NXPH1: variants seen among roughly 807,000 people sequenced by gnomAD.
NXPH1 encodes the protein neurexophilin 1, also known as neurexophilin-1.
A neutral mutation model predicts 23.7 loss-of-function variants in NXPH1; 5 were observed. The observed-to-expected ratio is 0.21, with a 90% CI of 0.11 to 0.44. The LOEUF (loss-of-function observed/expected upper bound fraction) is 0.44, where lower values mean the gene tolerates loss of function less well. NXPH1 is among the 20% of genes least tolerant of loss of function. The probability of loss-of-function intolerance (pLI) is 0.99; values close to 1 mark genes in which losing one functional copy is unlikely to be tolerated. For missense variants in NXPH1, 324 were observed against 321.6 expected (o/e 1.01, Z -0.06); for synonymous variants, 144 against 122.2 (o/e 1.18, Z -1.18).
At chr7:8,746,483 C>T (rs1482457351) in intron 2 of NXPH1, among the ~76,000 whole-genome samples, 2 of 152,128 alleles carry the variant, frequency 1.3e-5, no homozygotes, top group Non-Finnish European at 2.9e-5. Flanking sequence ...TGTTTAATAA[C>T]AAAGGATGAG....
intron 2 of NXPH1, among the ~76,000 whole-genome samples, chr7:8,723,438 A>C (rs1000057748): frequency 2.6e-5 from 4 of 152,220 alleles, no homozygotes; most frequent in African/African-American, 9.7e-5. Flanking sequence ...AATGTTTGTC[A>C]AGCCCCCCAA....
intron 2 of NXPH1, among the ~76,000 whole-genome samples, chr7:8,554,614 A>G (rs1169283608): frequency 1.3e-5 from 2 of 151,722 alleles, no homozygotes; most frequent in East Asian, 2.0e-4. Context: ...AGGAAAAGCA[A>G]AAGAGTATTT....
At chr7:8,579,262 A>G (rs1818817394) in intron 2 of NXPH1, among the ~76,000 whole-genome samples, 1 of 152,212 alleles carries the variant, frequency 6.6e-6, no homozygotes. Flanking sequence ...AAACAGATTC[A>G]GTGATGGCAA....
chr7:8,662,187 T>TACACACAC (rs1423090743), intron 2 of NXPH1, among the ~76,000 whole-genome samples: 324 of 150,710 alleles, frequency 2.1e-3, no homozygotes, highest in Middle Eastern at 6.9e-3. Context: ...TATATATATA[T>TACACACAC]ATACACACAT....
At chr7:8,733,586 G>A (rs902640483) in intron 2 of NXPH1, among the ~76,000 whole-genome samples, 1 of 152,102 alleles carries the variant, frequency 6.6e-6, no homozygotes, top group Non-Finnish European at 1.5e-5. Flanking sequence ...ACTGGCGTGA[G>A]ATAGTATCTC....
At chr7:8,579,249 A>G (rs1818817024) in intron 2 of NXPH1, among the ~76,000 whole-genome samples, 1 of 152,212 alleles carries the variant, frequency 6.6e-6, no homozygotes, top group African/African-American at 2.4e-5. Context: ...AAAGAGAGGA[A>G]TAAAACAGAT....
intron 2 of NXPH1, among the ~76,000 whole-genome samples, chr7:8,528,597 G>C (rs1283399110): frequency 1.3e-5 from 2 of 152,118 alleles, no homozygotes; most frequent in African/African-American, 2.4e-5. Context: ...GTTCCTTTTT[G>C]CAGTGGTCTC....
intron 2 of NXPH1, among the ~76,000 whole-genome samples, chr7:8,676,431 A>G (rs1820954396): frequency 6.6e-6 from 1 of 152,028 alleles, no homozygotes; most frequent in Admixed American, 6.6e-5. Context: ...CATCTATGCA[A>G]TCGTGATTTT....
chr7:8,517,044 C>T (rs1385744112), intron 2 of NXPH1, among the ~76,000 whole-genome samples: 2 of 152,012 alleles, frequency 1.3e-5, no homozygotes, highest in East Asian at 1.9e-4. Flanking sequence ...TGGATTGATC[C>T]AATCCACAAA....
intron 2 of NXPH1, among the ~76,000 whole-genome samples, chr7:8,691,890 TCA>T (rs1289087668): frequency 1.3e-5 from 2 of 152,062 alleles, no homozygotes; most frequent in African/African-American, 4.8e-5. Flanking sequence ...TGTTATGGAG[TCA>T]CAGAGTTGCT....
intron 2 of NXPH1, among the ~76,000 whole-genome samples, chr7:8,740,376 T>A (rs577449972): frequency 6.6e-6 from 1 of 152,276 alleles, no homozygotes; most frequent in East Asian, 1.9e-4. Context: ...CATGTATTTA[T>A]CCCCATGACA....
intron 2 of NXPH1, among the ~76,000 whole-genome samples, chr7:8,464,000 C>A (rs1816736120): frequency 6.6e-6 from 1 of 152,012 alleles, no homozygotes; most frequent in Non-Finnish European, 1.5e-5. Context: ...CCATATGTTC[C>A]CAGAGACGTC....
intron 2 of NXPH1, among the ~76,000 whole-genome samples, chr7:8,570,621 T>C: frequency 6.6e-6 from 1 of 151,892 alleles, no homozygotes; most frequent in East Asian, 1.9e-4. Context: ...AGAGAAAGTA[T>C]GACATTTGAG....
intron 2 of NXPH1, among the ~76,000 whole-genome samples, chr7:8,677,412 C>G (rs1327325629): frequency 6.6e-6 from 1 of 151,926 alleles, no homozygotes; most frequent in Non-Finnish European, 1.5e-5. Flanking sequence ...AAATGACAGA[C>G]CAAAGAGAAA....
chr7:8,585,893 C>A (rs1393202295), intron 2 of NXPH1, among the ~76,000 whole-genome samples: 1 of 152,194 alleles, frequency 6.6e-6, no homozygotes, highest in Admixed American at 6.5e-5. Flanking sequence ...AGAAGTACTT[C>A]TTGACCTGAA....
intron 2 of NXPH1, among the ~76,000 whole-genome samples, chr7:8,688,964 G>T (rs756524721): frequency 6.6e-6 from 1 of 152,082 alleles, no homozygotes; most frequent in Non-Finnish European, 1.5e-5. Flanking sequence ...GTTTTCCATG[G>T]TCTTTGTTTT....
intron 2 of NXPH1, among the ~76,000 whole-genome samples, chr7:8,704,545 G>A (rs1268976106): frequency 2.6e-5 from 4 of 152,108 alleles, no homozygotes; most frequent in Admixed American, 6.6e-5. Flanking sequence ...GAATTCACTG[G>A]GGTTTCTGGA....
intron 2 of NXPH1, among the ~76,000 whole-genome samples, chr7:8,585,121 A>G (rs1284517460): frequency 1.3e-5 from 2 of 152,198 alleles, no homozygotes. Context: ...AATATCAGTA[A>G]TTTGGGGGAC....
At chr7:8,439,546 G>GT (rs1222659908) in intron 2 of NXPH1, among the ~76,000 whole-genome samples, 14 of 152,204 alleles carry the variant, frequency 9.2e-5, no homozygotes, top group Admixed American at 6.5e-4. Context: ...ATGAGAAGGG[G>GT]TCCCACCATT....
Sources: allele counts gnomAD v4.1 joint callset (sites outside exome capture counted in the v4.1 genomes callset), GRCh38; gene constraint gnomAD v4.1.1; transcripts MANE v1.5; gene names NCBI Gene and HGNC (gene_info 2026-07-23, HGNC 2026-07-21).